Variants in ZDHHC14 observed in about 807,000 individuals in gnomAD.
ZDHHC14 encodes palmitoyltransferase ZDHHC14.
Under a neutral mutation model 47.7 loss-of-function variants are expected in ZDHHC14, and 16 were observed. That is an observed-to-expected ratio of 0.34 (90% confidence interval 0.23 to 0.51). ZDHHC14 has a LOEUF of 0.51. Among genes scored for constraint, ZDHHC14 ranks in the 20% least tolerant of loss-of-function variants. The pLI, the probability that ZDHHC14 is intolerant of heterozygous loss-of-function variation, is 0.97. For missense variants in ZDHHC14, 515 were observed against 662.5 expected (o/e 0.78, Z 2.44); for synonymous variants, 293 against 278.9 (o/e 1.05, Z -0.50).
chr6:157,657,446 A>G (rs619670), intron 8 of ZDHHC14, among the ~76,000 whole-genome samples: 110,711 of 151,958 alleles, frequency 0.73, 40,620 homozygotes, highest in African/African-American at 0.81. Flanking sequence ...CAAGGCTCAC[A>G]TGCACCTGGG....
intron 1 of ZDHHC14, among the ~76,000 whole-genome samples, chr6:157,484,928 T>C (rs1779741432): frequency 6.6e-6 from 1 of 152,028 alleles, no homozygotes; most frequent in African/African-American, 2.4e-5. Flanking sequence ...TGAAACCCCA[T>C]CTCTACTAAA....
chr6:157,571,892 T>A (rs1372536152), intron 2 of ZDHHC14, among the ~76,000 whole-genome samples: 1 of 151,910 alleles, frequency 6.6e-6, no homozygotes, highest in African/African-American at 2.4e-5. Context: ...CTGTTAATTT[T>A]GTCCTGCCTG....
chr6:157,524,131 A>ATTT (rs879683007), intron 1 of ZDHHC14, among the ~76,000 whole-genome samples: 2 of 142,858 alleles, frequency 1.4e-5, no homozygotes, highest in Non-Finnish European at 3.1e-5. Context: ...TTGATTGGCA[A>ATTT]TTTTTTTTTT....
chr6:157,558,838 G>C (rs138227310), intron 2 of ZDHHC14, among the ~76,000 whole-genome samples: 68 of 152,122 alleles, frequency 4.5e-4, no homozygotes, highest in African/African-American at 1.6e-3. Flanking sequence ...GTAGATCAGA[G>C]ATTCCTCTTC....
chr6:157,559,987 A>G (rs1782643359), intron 2 of ZDHHC14, among the ~76,000 whole-genome samples: 1 of 152,240 alleles, frequency 6.6e-6, no homozygotes, highest in Admixed American at 6.5e-5. Flanking sequence ...ATAATAGTGT[A>G]AAGGAAGTAG....
At chr6:157,564,363 G>T (rs1782824509) in intron 2 of ZDHHC14, among the ~76,000 whole-genome samples, 1 of 152,182 alleles carries the variant, frequency 6.6e-6, no homozygotes, top group African/African-American at 2.4e-5. Flanking sequence ...TTGGGGGGAA[G>T]AACATATTCA....
intron 1 of ZDHHC14, among the ~76,000 whole-genome samples, chr6:157,400,788 A>T (rs1777620644): frequency 6.6e-6 from 1 of 152,180 alleles, no homozygotes; most frequent in African/African-American, 2.4e-5. Flanking sequence ...CCCTGGCAGT[A>T]ACCCTGCAGC....
chr6:157,623,435 C>G (rs567147127), intron 3 of ZDHHC14, among the ~76,000 whole-genome samples: 28 of 152,218 alleles, frequency 1.8e-4, no homozygotes, highest in African/African-American at 6.3e-4. Flanking sequence ...TTTCCTGAAG[C>G]CTTGCCAGCC....
At chr6:157,519,784 C>T (rs1370052004) in intron 1 of ZDHHC14, among the ~76,000 whole-genome samples, 2 of 152,188 alleles carry the variant, frequency 1.3e-5, no homozygotes, top group Non-Finnish European at 2.9e-5. Flanking sequence ...ACACGCATCT[C>T]TTGAGCATCT....
intron 1 of ZDHHC14, among the ~76,000 whole-genome samples, chr6:157,528,568 A>G (rs1562463633): frequency 6.6e-6 from 1 of 152,014 alleles, no homozygotes; most frequent in Non-Finnish European, 1.5e-5. Context: ...TGTCTCTACT[A>G]AAAATACAAA....
At chr6:157,471,476 C>T (rs969177363) in intron 1 of ZDHHC14, among the ~76,000 whole-genome samples, 5 of 152,194 alleles carry the variant, frequency 3.3e-5, no homozygotes, top group Admixed American at 2.6e-4. Flanking sequence ...CACTGCACAG[C>T]GGGTCTTCAC....
chr6:157,640,219 C>T (rs567121888), intron 5 of ZDHHC14, among the ~76,000 whole-genome samples: 4 of 152,340 alleles, frequency 2.6e-5, no homozygotes, highest in African/African-American at 9.6e-5. Flanking sequence ...GGATTACAGC[C>T]ATTTTTAATC....
In ZDHHC14 at chr6:157,509,995, A is replaced by G. The variant is rs1168138846; in HGVS notation, c.246-32590A>G. Among the ~76,000 whole-genome samples, 5 of 152,232 alleles carry G rather than the reference A, an allele frequency of 3.3e-5. No homozygotes were observed. In the East Asian group the frequency reaches 9.6e-4, roughly 29 times the overall value. ...TGCGGTGGCTCACGCCTGTAATCCC[A>G]GCACTTTGGGAGGCTAAGGCGGGTG... On this transcript the variant is annotated intron_variant, in intron 1 of 8. Coordinates refer to ENST00000359775, the MANE Select transcript of ZDHHC14 (RefSeq NM_024630.3).
chr6:157,553,777 A>T (rs576700081), intron 2 of ZDHHC14, among the ~76,000 whole-genome samples: 19 of 152,296 alleles, frequency 1.2e-4, no homozygotes, highest in African/African-American at 4.3e-4. Context: ...TTCTGAGATT[A>T]AGAATCATTG....
chr6:157,665,084 T>G lies in ZDHHC14; in HGVS notation c.1069-7640T>G, dbSNP rs1044775409. ...AATTGGTTGGTTGTGGGGCTTACCT[T>G]GTGAGTTTCCCTTCCCTCAGGGATT... On this transcript the variant is annotated intron_variant, in intron 8 of 8. Transcript: ENST00000359775. Among the ~76,000 whole-genome samples, 8 of 152,324 alleles carry G rather than the reference T, an allele frequency of 5.3e-5. No homozygotes were observed. In the East Asian group the frequency reaches 1.5e-3, roughly 29 times the overall value.
intron 2 of ZDHHC14, among the ~76,000 whole-genome samples, chr6:157,567,733 G>T (rs929831344): frequency 6.6e-6 from 1 of 150,838 alleles, no homozygotes; most frequent in Admixed American, 6.6e-5. Flanking sequence ...AGGAGAATCA[G>T]TTGAACCTGG....
chr6:157,424,501 T>C (rs1435903656), intron 1 of ZDHHC14, among the ~76,000 whole-genome samples: 1 of 152,232 alleles, frequency 6.6e-6, no homozygotes, highest in African/African-American at 2.4e-5. Flanking sequence ...TGAGGCTTTC[T>C]GAGCTTGAAG....
chr6:157,406,746 T>C (rs746356807), intron 1 of ZDHHC14, among the ~76,000 whole-genome samples: 1 of 152,270 alleles, frequency 6.6e-6, no homozygotes, highest in Non-Finnish European at 1.5e-5. Flanking sequence ...ATGGTGCCGT[T>C]ACTTGTAAAG....
rs538448405 is a variant in ZDHHC14 at position 157,533,580 on chromosome 6, C to T, written c.246-9005C>T. On this transcript the variant is annotated intron_variant, in intron 1 of 8. Coordinates refer to ENST00000359775, the MANE Select transcript of ZDHHC14 (RefSeq NM_024630.3). ...TGGCTTGTTCCAGAGCTGCAGGGGT[C>T]GGCAGGAGGGAGGAAGATGAGGTCA... Among the ~76,000 whole-genome samples, 12 of 152,186 alleles carry T rather than the reference C, an allele frequency of 7.9e-5. No individual in the cohort carries two copies. In the East Asian group the frequency reaches 9.6e-4, roughly 12 times the overall value.
Sources: allele counts gnomAD v4.1 joint callset (sites outside exome capture counted in the v4.1 genomes callset), GRCh38; gene constraint gnomAD v4.1.1; transcripts MANE v1.5; gene names NCBI Gene and HGNC (gene_info 2026-07-23, HGNC 2026-07-21).